ELMO1: variants seen among roughly 807,000 people sequenced by gnomAD.
ELMO1 encodes engulfment and cell motility 1, also known as engulfment and cell motility protein 1.
ELMO1 carries 26 observed loss-of-function variants against 98.9 expected under a neutral mutation model. The ratio of observed to expected loss-of-function variants is 0.26; its 90% confidence interval spans 0.19 to 0.36. The LOEUF (loss-of-function observed/expected upper bound fraction) is 0.36, where lower values mean the gene tolerates loss of function less well. Among genes scored for constraint, ELMO1 ranks in the 10% least tolerant of loss-of-function variants. The pLI is 1.00. For synonymous variants in ELMO1, 346 were observed against 346.0 expected, an observed-to-expected ratio of 1.00 and a Z score of 0.00; for missense variants, 627 against 935.2, an observed-to-expected ratio of 0.67 and a Z score of 4.30.
At chr7:37,272,286 C>T (rs187065124) in intron 4 of ELMO1, among the ~76,000 whole-genome samples, 86 of 152,222 alleles carry the variant, frequency 5.6e-4, no homozygotes, top group African/African-American at 1.9e-3. Flanking sequence ...ATAGCCAAAA[C>T]GTAGAAACAA....
chr7:36,881,299 A>G (rs903926447), intron 18 of ELMO1, among the ~76,000 whole-genome samples: 10 of 152,226 alleles, frequency 6.6e-5, no homozygotes, highest in Admixed American at 4.6e-4. Flanking sequence ...CAAGGATAGC[A>G]TCAGCACAGT....
In ELMO1 at chr7:36,944,322, A is replaced by G. The variant is rs6967309; in HGVS notation, c.1438-49305T>C. On this transcript the variant is annotated intron_variant, in intron 16 of 21. Coordinates refer to ENST00000310758, the MANE Select transcript of ELMO1 (RefSeq NM_014800.11). ...TGGGCACGACAATCCTGAGAATCCA[A>G]TTATCACCATCTGTATTTTTAAAAT... 3.3e-3 allele frequency among the ~76,000 whole-genome samples: 507 copies of G among 152,228 alleles called. 3 individuals are homozygous for G. Among genetic ancestry groups the G allele is most frequent in the African/African-American group, 0.012 (483 of 41,532 alleles).
chr7:37,015,774 C>T (rs1038835395), intron 15 of ELMO1, among the ~76,000 whole-genome samples: 1 of 152,184 alleles, frequency 6.6e-6, no homozygotes, highest in African/African-American at 2.4e-5. Context: ...CACCTGCCTA[C>T]TGTTTCCAGG....
At chr7:36,982,615 G>A (rs182375242) in intron 16 of ELMO1, among the ~76,000 whole-genome samples, 1 of 152,138 alleles carries the variant, frequency 6.6e-6, no homozygotes, top group African/African-American at 2.4e-5. Context: ...ATAATACTAG[G>A]CAAGCATAGC....
At chr7:37,028,036 CTT>C (rs34796028) in intron 15 of ELMO1, among the ~76,000 whole-genome samples, 15 of 146,508 alleles carry the variant, frequency 1.0e-4, no homozygotes, top group African/African-American at 1.7e-4. Context: ...CGAGAACTGT[CTT>C]TTTTTTTTTT....
At chr7:37,261,098 G>GT (rs1215157221) in intron 5 of ELMO1, among the ~76,000 whole-genome samples, 1 of 151,230 alleles carries the variant, frequency 6.6e-6, no homozygotes, top group Non-Finnish European at 1.5e-5. Context: ...TGCTAATAGT[G>GT]TTTGATGCAG....
At chr7:37,440,597 C>T (rs1261677531) in intron 1 of ELMO1, among the ~76,000 whole-genome samples, 1 of 151,714 alleles carries the variant, frequency 6.6e-6, no homozygotes, top group East Asian at 1.9e-4. Flanking sequence ...GGTGAAACCC[C>T]ATCTCTAATA....
intron 16 of ELMO1, among the ~76,000 whole-genome samples, chr7:36,926,219 T>A (rs762658728): frequency 6.6e-6 from 1 of 152,194 alleles, no homozygotes; most frequent in Non-Finnish European, 1.5e-5. Context: ...TCCATCCTCA[T>A]CTCTACTCTG....
chr7:37,137,816 C>T (rs1584704606), intron 13 of ELMO1, among the ~76,000 whole-genome samples: 1 of 152,080 alleles, frequency 6.6e-6, no homozygotes, highest in Admixed American at 6.5e-5. Flanking sequence ...GGATTACAGG[C>T]GTGAGCCACT....
chr7:37,005,224 T>C (rs1265121994), intron 16 of ELMO1, among the ~76,000 whole-genome samples: 1 of 151,742 alleles, frequency 6.6e-6, no homozygotes, highest in African/African-American at 2.4e-5. Context: ...TATAAAGAGA[T>C]GCTGCCAGGG....
At chr7:36,988,449 G>A (rs1196121339) in intron 16 of ELMO1, among the ~76,000 whole-genome samples, 1 of 152,124 alleles carries the variant, frequency 6.6e-6, no homozygotes, top group Non-Finnish European at 1.5e-5. Flanking sequence ...TCTATGCCAG[G>A]CACTTGTGCT....
chr7:37,134,335 G>C (rs1277870571), intron 13 of ELMO1, among the ~76,000 whole-genome samples: 2 of 152,132 alleles, frequency 1.3e-5, no homozygotes, highest in Non-Finnish European at 2.9e-5. Flanking sequence ...TTGGGAGGCT[G>C]AGGCAGGTGG....
chr7:37,081,815 TAAAACA>T (rs1797880759), intron 15 of ELMO1, among the ~76,000 whole-genome samples: 1 of 152,084 alleles, frequency 6.6e-6, no homozygotes, highest in Non-Finnish European at 1.5e-5. Context: ...ACTCTTGATC[TAAAACA>T]AAAACAAAAA....
chr7:37,338,600 C>T (rs1265793584), intron 2 of ELMO1, among the ~76,000 whole-genome samples: 1 of 152,214 alleles, frequency 6.6e-6, no homozygotes, highest in East Asian at 1.9e-4. Context: ...TTGGAGCCCA[C>T]TGCCTCTTAC....
chr7:37,246,318 C>G (rs1795002313), intron 6 of ELMO1, among the ~76,000 whole-genome samples: 1 of 152,182 alleles, frequency 6.6e-6, no homozygotes, highest in Admixed American at 6.5e-5. Context: ...AATGCCAAAA[C>G]TGATGGGTGA....
intron 16 of ELMO1, among the ~76,000 whole-genome samples, chr7:36,993,813 G>C (rs1792022483): frequency 6.6e-6 from 1 of 152,156 alleles, no homozygotes; most frequent in African/African-American, 2.4e-5. Context: ...GTCATCTCAA[G>C]CTAAATTTAG....
chr7:36,941,153 T>G (rs2129094841), intron 16 of ELMO1, among the ~76,000 whole-genome samples: 1 of 152,364 alleles, frequency 6.6e-6, no homozygotes, highest in African/African-American at 2.4e-5. Flanking sequence ...ATAAATTGAT[T>G]TCTGAAATTT....
At chr7:37,192,968 GAGATATATAT>G (rs1284708606) in intron 13 of ELMO1, among the ~76,000 whole-genome samples, 21 of 94,228 alleles carry the variant, frequency 2.2e-4, no homozygotes, top group Non-Finnish European at 3.6e-4. Context: ...ATATATATAG[GAGATATATAT>G]ATATATATAT....
intron 15 of ELMO1, among the ~76,000 whole-genome samples, chr7:37,056,172 CA>C (rs1231348116): frequency 6.6e-5 from 10 of 152,272 alleles, no homozygotes; most frequent in Admixed American, 5.2e-4. Context: ...TTTATAAACA[CA>C]AGCTATTTTT....
Sources: gnomAD v4.1 joint callset for allele counts (sites outside exome capture counted in the v4.1 genomes callset) on GRCh38, gnomAD v4.1.1 for gene constraint, MANE v1.5 for transcripts, NCBI Gene and HGNC (gene_info 2026-07-23, HGNC 2026-07-21) for gene names.